Variants in RTRAF observed in about 807,000 individuals in gnomAD.
RTRAF encodes tRNA-splicing ligase complex subunit RTRAF.
RTRAF carries 14 observed loss-of-function variants against 34.4 expected under a neutral mutation model. The ratio of observed to expected loss-of-function variants is 0.41; its 90% confidence interval spans 0.27 to 0.64. The LOEUF (loss-of-function observed/expected upper bound fraction) is 0.64. RTRAF is among the 30% of genes least tolerant of loss of function. RTRAF has a pLI of 0.34. For synonymous variants in RTRAF, 96 were observed against 95.3 expected, an observed-to-expected ratio of 1.01 and a Z score of -0.04; for missense variants, 291 against 288.4, an observed-to-expected ratio of 1.01 and a Z score of -0.06.
At position 52,005,214 on chromosome 14, in the gene RTRAF, A is replaced by G; in HGVS notation, c.*698A>G. ...TTGATCTTTTAAATATTAATGATAAATGTTTACAAGAAGTTGCTTTAATAA... is the reference window on the plus strand; with the variant it reads ...TTGATCTTTTAAATATTAATGATAAGTGTTTACAAGAAGTTGCTTTAATAA... On this transcript the variant is annotated 3_prime_UTR_variant, in exon 8 of 8. Transcript: ENST00000261700. 3.0e-6 allele frequency: 1 copy of G among 335,876 alleles called. No homozygotes were observed. Among genetic ancestry groups the G allele is most frequent in the Non-Finnish European group, 5.4e-6 (1 of 186,150 alleles). 20.8% of individuals were successfully genotyped at this position (335,876 alleles called of 1,614,324 possible). A position where few individuals can be genotyped will look rare whatever the true frequency, so the allele number is the denominator to read the frequency against.
chr14:52,006,551 G>C lies in RTRAF; in HGVS notation c.*2035G>C, dbSNP rs757405551. ...GTGGGGCTCACCTCCTCCAGTCTGT[G>C]TGGTAGAAGTGATCTGCATAGCTTA... On this transcript the variant is annotated 3_prime_UTR_variant, in exon 8 of 8. Coordinates refer to ENST00000261700, the MANE Select transcript of RTRAF (RefSeq NM_016039.3). 120 of 1,613,658 alleles carry C rather than the reference G, an allele frequency of 7.4e-5. No homozygotes were observed. The highest frequency in any genetic ancestry group is 9.7e-5 in the Non-Finnish European group (114 of 1,179,722).
In RTRAF at chr14:52,009,830, T is replaced by G. The variant is rs1664950897; in HGVS notation, c.*5314T>G. 6.6e-6 allele frequency: 1 copy of G among 150,896 alleles called. No homozygotes were observed. The highest frequency in any genetic ancestry group is 2.5e-5 in the African/African-American group (1 of 40,216). The allele number at this position is 150,896 out of a possible 1,614,324, so 9.3% of individuals were successfully genotyped here. ...GGCGAAACCCTGTCTCGACTAAAAA[T>G]ACAAAAATTAGCTGGGCATGGTGGC... On this transcript the variant is annotated 3_prime_UTR_variant, in exon 8 of 8. Coordinates refer to ENST00000261700, the MANE Select transcript of RTRAF (RefSeq NM_016039.3).
chr14:52,001,839 A>G lies in RTRAF; in HGVS notation c.504A>G (p.Ala168=). 6.2e-7 allele frequency: 1 copy of G among 1,609,734 alleles called. No homozygotes were observed. Among genetic ancestry groups the G allele is most frequent in the Non-Finnish European group, 8.5e-7 (1 of 1,178,890 alleles). Reference sequence around the variant, plus strand: ...TTCAGGAGCGCCTGACACAGGATGCAGTTGCTAAGGCAAATCAAACAAAAG... The same window carrying G: ...TTCAGGAGCGCCTGACACAGGATGCGGTTGCTAAGGCAAATCAAACAAAAG... The part of the protein sequence containing the change: ...ILVQERLTQD[A]VAKANQTKEG... The change falls in exon 6 of 8, where the codon GCA becomes GCG. Residue 168 remains alanine, a synonymous_variant. Transcript: ENST00000261700.
intron 5 of RTRAF, among the ~76,000 whole-genome samples, chr14:52,001,300 C>T (rs190526673): frequency 6.6e-6 from 1 of 152,164 alleles, no homozygotes; most frequent in East Asian, 1.9e-4. Flanking sequence ...TGATTAAAAC[C>T]ACCAACGGTG....
chr14:51,994,553 C>G (rs1440579825), intron 3 of RTRAF, among the ~76,000 whole-genome samples: 2 of 152,172 alleles, frequency 1.3e-5, no homozygotes, highest in Non-Finnish European at 2.9e-5. Flanking sequence ...CTAATTCAGG[C>G]TCTTGTCACT....
chr14:51,995,341 G>C (rs1404931045), intron 3 of RTRAF, among the ~76,000 whole-genome samples: 3 of 151,910 alleles, frequency 2.0e-5, no homozygotes, highest in African/African-American at 7.3e-5. Context: ...TGAATTCCTT[G>C]ACTCTGGCCC....
At chr14:52,001,686 C>A in intron 5 of RTRAF, 112 bp from the exon 6 acceptor site, 2 of 737,024 alleles carry the variant, frequency 2.7e-6, no homozygotes, top group Non-Finnish European at 2.2e-6. Context: ...TATTAATGAA[C>A]TTAGGTAATT....
chr14:52,001,204 C>T (rs1263970331), intron 5 of RTRAF, among the ~76,000 whole-genome samples: 1 of 151,982 alleles, frequency 6.6e-6, no homozygotes, highest in East Asian at 1.9e-4. Flanking sequence ...TGTCATCTTC[C>T]TAATTAAAAT....
In RTRAF at chr14:51,993,716, C is replaced by T. The variant is rs1289382628; in HGVS notation, c.187-7C>T. The stretch of plus-strand genomic sequence containing the variant: ...AACTGGTGGTTTTCTTTTCTTCCCC[C>T]TCACAGTATCTCAGAGATGTTAACT... On this transcript the variant is annotated splice_region_variant and splice_polypyrimidine_tract_variant and intron_variant, in intron 2 of 7. Transcript: ENST00000261700. 2.6e-6 allele frequency: 4 copies of T among 1,537,632 alleles called. No homozygotes were observed. Among genetic ancestry groups the T allele is most frequent in the Non-Finnish European group, 3.6e-6 (4 of 1,120,982 alleles).
rs979011916 is a variant in RTRAF, at chr14:52,004,004, C to G, written c.532-190C>G. ...TTAAAGGTTAACTTTTCCCCCTAAC[C>G]GGTTGAAATAGGGAAAACTCGCTAA... is the stretch of plus-strand genomic sequence containing the variant. On this transcript the variant is annotated intron_variant, in intron 6 of 7. Transcript: ENST00000261700. 1.2e-5 allele frequency: 7 copies of G among 597,904 alleles called. No individual in the cohort carries two copies. In the South Asian group the frequency reaches 1.5e-4, roughly 13 times the overall value. The allele number at this position is 597,904 out of a possible 1,614,324, so 37.0% of individuals were successfully genotyped here. A position where few individuals can be genotyped will look rare whatever the true frequency, so the allele number is the denominator to read the frequency against.
rs1387322352 is a variant in RTRAF, at chr14:52,006,694, A to G, written c.*2178A>G. The G allele has an allele frequency of 6.2e-7, 1 of 1,610,848 alleles. No individual in the cohort carries two copies. Among genetic ancestry groups the G allele is most frequent in the East Asian group, 2.2e-5 (1 of 44,798 alleles). ...ACAAAGGGGGAAAATGAGGTCCTTC[A>G]GCTGCTTTGCCAAAAATGATAGTGA... On this transcript the variant is annotated 3_prime_UTR_variant, in exon 8 of 8. Coordinates refer to ENST00000261700, the MANE Select transcript of RTRAF (RefSeq NM_016039.3).
rs1291101568 is a variant in RTRAF at position 52,007,333 on chromosome 14, T to C, written c.*2817T>C. On this transcript the variant is annotated 3_prime_UTR_variant, in exon 8 of 8. Coordinates refer to ENST00000261700, the MANE Select transcript of RTRAF (RefSeq NM_016039.3). The stretch of plus-strand genomic sequence containing the variant: ...TTTTTCATATTCTTTAGTATAGAAC[T>C]AGACACACAGCATTTTTTCAGTTGT... 1.1e-5 allele frequency: 2 copies of C among 174,414 alleles called. No homozygotes were observed. The highest frequency in any genetic ancestry group is 2.4e-5 in the African/African-American group (1 of 41,540). The allele number at this position is 174,414 out of a possible 1,614,324, so 10.8% of individuals were successfully genotyped here.
Position 52,010,606 on chromosome 14 carries a change from ATC to A in RTRAF, c.*6092_*6093del. ...GAGTAGCCCTAGTTCTCACAACACT[ATC>A]TGAATTTTCTACATATCACATCACA... On this transcript the variant is annotated 3_prime_UTR_variant, in exon 8 of 8. Transcript: ENST00000261700. 3.2e-6 allele frequency: 1 copy of A among 314,816 alleles called. No homozygotes were observed. The highest frequency in any genetic ancestry group is 6.0e-6 in the Non-Finnish European group (1 of 165,532). The allele number at this position is 314,816 out of a possible 1,614,324, so 19.5% of individuals were successfully genotyped here.
Position 52,007,512 on chromosome 14 carries a change from CACTTA to C in RTRAF, c.*2998_*3002del, listed in dbSNP as rs1409003744. Reference sequence around the variant, plus strand: ...CCCTCTCCCCGCATAAGAATAACTTCACTTAAGTTTGTCAATTCAACAATGGCTAA... The same window carrying C: ...CCCTCTCCCCGCATAAGAATAACTTCAGTTTGTCAATTCAACAATGGCTAA... On this transcript the variant is annotated 3_prime_UTR_variant, in exon 8 of 8. Transcript: ENST00000261700. The C allele has an allele frequency of 9.6e-5, 34 of 353,814 alleles. 1 individual carries two copies. The East Asian group carries it at 2.5e-3, about 26-fold the overall frequency. 21.9% of individuals were successfully genotyped at this position (353,814 alleles called of 1,614,324 possible). A position where few individuals can be genotyped will look rare whatever the true frequency, so the allele number is the denominator to read the frequency against.
chr14:51,996,847 C>T (rs143785407), intron 3 of RTRAF, among the ~76,000 whole-genome samples: 421 of 152,092 alleles, frequency 2.8e-3, no homozygotes, highest in Non-Finnish European at 4.9e-3. Flanking sequence ...GATTATGCAC[C>T]GCATTAGTTG....
In RTRAF at chr14:52,006,315, G is replaced by A. The variant is rs1890779967; in HGVS notation, c.*1799G>A. 2 of 515,766 alleles carry A rather than the reference G, an allele frequency of 3.9e-6. No individual in the cohort carries two copies. The highest frequency in any genetic ancestry group is 7.0e-6 in the Non-Finnish European group (2 of 285,956). The allele number at this position is 515,766 out of a possible 1,614,324, so 31.9% of individuals were successfully genotyped here. A position where few individuals can be genotyped will look rare whatever the true frequency, so the allele number is the denominator to read the frequency against. On this transcript the variant is annotated 3_prime_UTR_variant, in exon 8 of 8. Transcript: ENST00000261700. ...TTGCTACTTTTTAAGCTATATGTGA[G>A]CAATACCATTCGATTTCTGGGTGAA...
In RTRAF at chr14:52,005,201, A is replaced by C; in HGVS notation, c.*685A>C. On this transcript the variant is annotated 3_prime_UTR_variant, in exon 8 of 8. Coordinates refer to ENST00000261700, the MANE Select transcript of RTRAF (RefSeq NM_016039.3). Reference sequence around the variant, plus strand: ...TAGTTGAATGAATTTGATCTTTTAAATATTAATGATAAATGTTTACAAGAA... The same window carrying C: ...TAGTTGAATGAATTTGATCTTTTAACTATTAATGATAAATGTTTACAAGAA... The C allele has an allele frequency of 3.3e-6, 1 of 302,788 alleles. No homozygotes were observed. Among genetic ancestry groups the C allele is most frequent in the Non-Finnish European group, 6.0e-6 (1 of 165,300 alleles). The allele number at this position is 302,788 out of a possible 1,614,324, so 18.8% of individuals were successfully genotyped here.
Position 52,006,654 on chromosome 14 carries a change from T to C in RTRAF, c.*2138T>C, listed in dbSNP as rs147018937. The C allele has an allele frequency of 2.0e-3, 3,270 of 1,613,400 alleles. 6 individuals carry two copies. Among genetic ancestry groups the C allele is most frequent in the Non-Finnish European group, 2.5e-3 (3,003 of 1,179,526 alleles). On this transcript the variant is annotated 3_prime_UTR_variant, in exon 8 of 8. Coordinates refer to ENST00000261700, the MANE Select transcript of RTRAF (RefSeq NM_016039.3). Reference sequence around the variant, plus strand: ...ATCAGGTAGTGTACACTCCAGTTTTTTGGTTCCTTTTAAAACAAAGGGGGA... The same window carrying C: ...ATCAGGTAGTGTACACTCCAGTTTTCTGGTTCCTTTTAAAACAAAGGGGGA...
rs1196898559 is a variant in RTRAF at position 52,009,301 on chromosome 14, TCAA to T, written c.*4792_*4794del. On this transcript the variant is annotated 3_prime_UTR_variant, in exon 8 of 8. Transcript: ENST00000261700. ...TCCTCCCCAAAATGATTTAATATCA[TCAA>T]CAACAATAAGTCTGAAACAAGCTCA... 6.6e-6 allele frequency: 1 copy of T among 152,212 alleles called. No homozygotes were observed. Among genetic ancestry groups the T allele is most frequent in the East Asian group, 1.9e-4 (1 of 5,198 alleles). The allele number at this position is 152,212 out of a possible 1,614,324, so 9.4% of individuals were successfully genotyped here.
Sources: allele counts gnomAD v4.1 joint callset (sites outside exome capture counted in the v4.1 genomes callset), GRCh38; gene constraint gnomAD v4.1.1; transcripts MANE v1.5; gene names NCBI Gene and HGNC (gene_info 2026-07-23, HGNC 2026-07-21).